Variants in LRRC38 observed in about 807,000 individuals in gnomAD.
The protein encoded by LRRC38 is leucine rich repeat containing 38, also known as leucine-rich repeat-containing protein 38.
A neutral mutation model predicts 16.4 loss-of-function variants in LRRC38; 5 were observed. The ratio of observed to expected loss-of-function variants is 0.31; its 90% confidence interval spans 0.16 to 0.64. The LOEUF (loss-of-function observed/expected upper bound fraction) is 0.64. LRRC38 is among the 30% of genes least tolerant of loss of function. LRRC38 has a pLI of 0.80. For synonymous variants in LRRC38, 191 were observed against 190.2 expected (o/e 1.00, Z -0.04); for missense variants, 341 against 401.8 (o/e 0.85, Z 1.29).
At chr1:13,510,963 G>T (rs1639267251) in intron 1 of LRRC38, among the ~76,000 whole-genome samples, 1 of 152,216 alleles carries the variant, frequency 6.6e-6, no homozygotes, top group Non-Finnish European at 1.5e-5. Context: ...CATGGACAGT[G>T]GCAGTGAGAC....
chr1:13,494,045 A>T (rs1639051509), intron 1 of LRRC38, among the ~76,000 whole-genome samples: 1 of 152,226 alleles, frequency 6.6e-6, no homozygotes, highest in African/African-American at 2.4e-5. Context: ...CCTGGGCAAG[A>T]GAGGGAGACT....
chr1:13,482,665 G>C (rs370097090), intron 1 of LRRC38, among the ~76,000 whole-genome samples: 1 of 151,938 alleles, frequency 6.6e-6, no homozygotes, highest in African/African-American at 2.4e-5. Context: ...GGCTGGATCA[G>C]CAGGACAGTG....
chr1:13,481,638 G>A (rs993645329), intron 1 of LRRC38, among the ~76,000 whole-genome samples: 44 of 151,068 alleles, frequency 2.9e-4, no homozygotes, highest in Non-Finnish European at 4.4e-4. Context: ...CTTGTGATCC[G>A]CCCGCCTTGG....
At chr1:13,476,516 A>G (rs1638791536) in intron 1 of LRRC38, among the ~76,000 whole-genome samples, 1 of 152,206 alleles carries the variant, frequency 6.6e-6, no homozygotes, top group African/African-American at 2.4e-5. Context: ...TTTAGTAGAG[A>G]CAGGGTTTCA....
intron 1 of LRRC38, among the ~76,000 whole-genome samples, chr1:13,502,725 C>T (rs1639165040): frequency 6.6e-6 from 1 of 152,172 alleles, no homozygotes. Context: ...TTCCTCGATC[C>T]TCTCGACAAA....
intron 1 of LRRC38, among the ~76,000 whole-genome samples, chr1:13,481,188 CACA>C (rs1638849770): frequency 6.6e-6 from 1 of 151,998 alleles, no homozygotes; most frequent in Non-Finnish European, 1.5e-5. Flanking sequence ...CTCGACTCAC[CACA>C]ACCTCTGCTT....
In LRRC38 at chr1:13,513,260, TGAGGTCGAG is replaced by T; in HGVS notation, c.325_333del (p.Leu109_Leu111del). The T allele has an allele frequency of 6.5e-7, 1 of 1,550,094 alleles. No homozygotes were observed. Among genetic ancestry groups the T allele is most frequent in the Non-Finnish European group, 8.7e-7 (1 of 1,146,830 alleles). On this transcript the variant is annotated inframe_deletion, in exon 1 of 2. Transcript: ENST00000376085. ...CCCAGCTGGGTCAAGTTGTTGTAGCTGAGGTCGAGGAACACGAGCTTGGCCGAGCCGCTG... is the reference window on the plus strand; with the variant it reads ...CCCAGCTGGGTCAAGTTGTTGTAGCTGAACACGAGCTTGGCCGAGCCGCTG...
At chr1:13,488,030 G>GTTTGTGTGTGTT (rs1262054168) in intron 1 of LRRC38, among the ~76,000 whole-genome samples, 193 of 123,150 alleles carry the variant, frequency 1.6e-3, no homozygotes, top group African/African-American at 5.3e-3. Flanking sequence ...GATTGTGTGT[G>GTTTGTGTGTGTT]TTTGTGTGTG....
intron 1 of LRRC38, among the ~76,000 whole-genome samples, chr1:13,505,834 C>T (rs1389797941): frequency 2.7e-5 from 4 of 149,914 alleles, no homozygotes; most frequent in South Asian, 4.3e-4. Context: ...TCAGGGGCTC[C>T]GGCTGGATAC....
At chr1:13,505,355 A>G (rs1261473981) in intron 1 of LRRC38, among the ~76,000 whole-genome samples, 1 of 152,246 alleles carries the variant, frequency 6.6e-6, no homozygotes, top group African/African-American at 2.4e-5. Flanking sequence ...CCAACCTAGG[A>G]AAGAAACCCT....
intron 1 of LRRC38, among the ~76,000 whole-genome samples, chr1:13,491,868 G>T (rs1455190880): frequency 1.3e-5 from 2 of 152,114 alleles, no homozygotes; most frequent in Non-Finnish European, 1.5e-5. Context: ...CACAGACAGG[G>T]TTTCATCATG....
intron 1 of LRRC38, among the ~76,000 whole-genome samples, chr1:13,512,609 A>G (rs1639285705): frequency 6.6e-6 from 1 of 152,042 alleles, no homozygotes; most frequent in African/African-American, 2.4e-5. Context: ...CCCATAGAGT[A>G]GGCTGCATTC....
chr1:13,502,661 T>C (rs187707375), intron 1 of LRRC38, among the ~76,000 whole-genome samples: 52 of 152,312 alleles, frequency 3.4e-4, no homozygotes, highest in African/African-American at 1.2e-3. Flanking sequence ...ACACAAGCCC[T>C]CCTCATTTGC....
At chr1:13,484,106 C>A (rs1557496089) in intron 1 of LRRC38, among the ~76,000 whole-genome samples, 1 of 152,190 alleles carries the variant, frequency 6.6e-6, no homozygotes, top group Non-Finnish European at 1.5e-5. Flanking sequence ...CTAAACCCCT[C>A]CACTCCGCCT....
rs201376433 is a variant in LRRC38 at position 13,494,391 on chromosome 1, T to C, written c.632-18292A>G. On this transcript the variant is annotated intron_variant, in intron 1 of 1. Transcript: ENST00000376085. ...GACATGCTGTGTGTGCCAGGCACTG[T>C]GCTAGACTTTTTTTTTTTTTTTTTT... Among the ~76,000 whole-genome samples the C allele has an allele frequency of 1.4e-4, 20 of 144,356 alleles. No homozygotes were observed. The East Asian group carries it at 3.9e-3, about 28-fold the overall frequency. 94.7% of individuals were successfully genotyped at this position (144,356 alleles called of 152,430 possible).
At chr1:13,506,519 A>G (rs1300505578) in intron 1 of LRRC38, among the ~76,000 whole-genome samples, 4 of 151,988 alleles carry the variant, frequency 2.6e-5, no homozygotes, top group African/African-American at 4.8e-5. Context: ...GTGCAGTGGC[A>G]TGATCTCGGC....
intron 1 of LRRC38, among the ~76,000 whole-genome samples, chr1:13,480,188 TA>T (rs1295729284): frequency 6.6e-6 from 1 of 152,084 alleles, no homozygotes; most frequent in Non-Finnish European, 1.5e-5. Flanking sequence ...GTACTAAAAG[TA>T]CAAAAATTAG....
At chr1:13,508,077 A>G (rs2990677) in intron 1 of LRRC38, among the ~76,000 whole-genome samples, 76,689 of 151,798 alleles carry the variant, frequency 0.51, 20,493 homozygotes, top group Middle Eastern at 0.65. Flanking sequence ...TCTCTACTAA[A>G]AATGCAAAAA....
intron 1 of LRRC38, among the ~76,000 whole-genome samples, chr1:13,488,027 TG>T (rs1638958786): frequency 8.2e-6 from 1 of 122,202 alleles, no homozygotes; most frequent in East Asian, 2.1e-4. Context: ...CTAGATTGTG[TG>T]TGTTTGTGTG....
Sources: allele counts gnomAD v4.1 joint callset (sites outside exome capture counted in the v4.1 genomes callset), GRCh38; gene constraint gnomAD v4.1.1; transcripts MANE v1.5; gene names NCBI Gene and HGNC (gene_info 2026-07-23, HGNC 2026-07-21).